Variants in CNTN3 observed in about 807,000 individuals in gnomAD.
CNTN3 encodes contactin-3.
CNTN3 carries 60 observed loss-of-function variants against 119.1 expected under a neutral mutation model. The ratio of observed to expected loss-of-function variants is 0.50; its 90% CI spans 0.41 to 0.62. The LOEUF (loss-of-function observed/expected upper bound fraction) is 0.62. Among genes scored for constraint, CNTN3 ranks in the 20% least tolerant of loss-of-function variants. The pLI, the probability that CNTN3 is intolerant of heterozygous loss-of-function variation, is 0.00. For synonymous variants in CNTN3, 450 were observed against 438.7 expected, an observed-to-expected ratio of 1.03 and a Z score of -0.32; for missense variants, 1,101 against 1,242.4, an observed-to-expected ratio of 0.89 and a Z score of 1.71.
At position 74,299,910 on chromosome 3, in the gene CNTN3, A is replaced by T; in HGVS notation, c.2124T>A (p.Asn708Lys). Residue 708 changes from asparagine (N) to lysine (K), a missense_variant, in exon 17 of 23, where the codon AAT becomes AAA. Asn to Lys is a moderately conservative substitution (Grantham distance 94). Coordinates refer to ENST00000263665, the MANE Select transcript of CNTN3 (RefSeq NM_020872.3). ...AVPEVPPSEV[N>K]GGGGSRSELV... ...GTTCAGACCGGCTTCCGCCTCCTCC[A>T]TTGACTTCAGAAGGAGGCACTTCTG... The T allele has an allele frequency of 6.2e-7, 1 of 1,605,644 alleles. No homozygotes were observed. Among genetic ancestry groups the T allele is most frequent in the Non-Finnish European group, 8.5e-7 (1 of 1,176,320 alleles).
intron 1 of CNTN3, among the ~76,000 whole-genome samples, chr3:74,601,394 T>G (rs566096541): frequency 6.6e-6 from 1 of 152,068 alleles, no homozygotes; most frequent in African/African-American, 2.4e-5. Context: ...CAAATACATA[T>G]CTGAGTTCTT....
intron 1 of CNTN3, among the ~76,000 whole-genome samples, chr3:74,554,330 A>G (rs995360406): frequency 2.0e-5 from 3 of 152,178 alleles, no homozygotes; most frequent in Non-Finnish European, 2.9e-5. Flanking sequence ...GCTTTGTAGT[A>G]AAGTTTGAAG....
At chr3:74,589,085 CA>C (rs1379894880) in intron 1 of CNTN3, among the ~76,000 whole-genome samples, 4 of 150,682 alleles carry the variant, frequency 2.7e-5, no homozygotes, top group Non-Finnish European at 4.5e-5. Context: ...GCAATGGCAA[CA>C]AAAGCCAAAA....
intron 2 of CNTN3, among the ~76,000 whole-genome samples, chr3:74,520,393 G>A (rs577447808): frequency 4.0e-5 from 6 of 150,076 alleles, no homozygotes; most frequent in African/African-American, 1.2e-4. Context: ...ATAAAAAGAG[G>A]GAAAACAAAA....
chr3:74,280,968 G>A (rs2106772752), intron 20 of CNTN3, among the ~76,000 whole-genome samples: 1 of 152,282 alleles, frequency 6.6e-6, no homozygotes, highest in East Asian at 1.9e-4. Context: ...AAGAGATGGG[G>A]GAGTGCATTA....
intron 13 of CNTN3, among the ~76,000 whole-genome samples, chr3:74,306,971 C>A (rs975493136): frequency 6.6e-6 from 1 of 151,988 alleles, no homozygotes; most frequent in Non-Finnish European, 1.5e-5. Flanking sequence ...TAATGTAAAC[C>A]CAAAGTACAT....
intron 1 of CNTN3, among the ~76,000 whole-genome samples, chr3:74,595,412 T>C (rs1434674007): frequency 4.6e-5 from 7 of 152,044 alleles, no homozygotes; most frequent in Non-Finnish European, 8.8e-5. Flanking sequence ...TCTTCTAGGG[T>C]TTTTATGGTT....
At chr3:74,583,891 A>T (rs1262179363) in intron 1 of CNTN3, among the ~76,000 whole-genome samples, 1 of 152,164 alleles carries the variant, frequency 6.6e-6, no homozygotes, top group Non-Finnish European at 1.5e-5. Context: ...CATAGGCTTT[A>T]TATATAGACA....
intron 1 of CNTN3, among the ~76,000 whole-genome samples, chr3:74,548,122 T>C (rs1393732885): frequency 6.6e-6 from 1 of 152,158 alleles, no homozygotes; most frequent in Admixed American, 6.5e-5. Context: ...CTGGATTCTA[T>C]ATTTTAGTCC....
chr3:74,513,530 A>G lies in CNTN3; in HGVS notation c.55+7528T>C, dbSNP rs143760446. ...CCAGATAAAGAAACCAAACAGTCAC[A>G]AAGTTCAGGGAATATGGTTTCATGT... On this transcript the variant is annotated intron_variant, in intron 2 of 22. Transcript: ENST00000263665. 9.2e-5 allele frequency among the ~76,000 whole-genome samples: 14 copies of G among 152,242 alleles called. No individual in the cohort carries two copies. The East Asian group carries it at 2.3e-3, about 25-fold the overall frequency.
At chr3:74,327,907 CTT>C (rs1424970420) in intron 13 of CNTN3, among the ~76,000 whole-genome samples, 3 of 151,392 alleles carry the variant, frequency 2.0e-5, no homozygotes, top group Non-Finnish European at 3.0e-5. Flanking sequence ...TTTTTTATCT[CTT>C]ATATTCTTTT....
At chr3:74,386,452 C>G (rs1704746304) in intron 5 of CNTN3, among the ~76,000 whole-genome samples, 1 of 152,024 alleles carries the variant, frequency 6.6e-6, no homozygotes, top group African/African-American at 2.4e-5. Context: ...AAATTTGTCT[C>G]TACAAAAATT....
intron 2 of CNTN3, among the ~76,000 whole-genome samples, chr3:74,504,544 T>TA (rs1703219032): frequency 1.3e-5 from 2 of 152,136 alleles, no homozygotes; most frequent in Non-Finnish European, 2.9e-5. Flanking sequence ...AAGACCAAAA[T>TA]AAAATTCCAT....
At chr3:74,554,083 T>A (rs1228584069) in intron 1 of CNTN3, among the ~76,000 whole-genome samples, 1 of 152,144 alleles carries the variant, frequency 6.6e-6, no homozygotes, top group Non-Finnish European at 1.5e-5. Context: ...CCATCTTGAG[T>A]TGATTTTTGT....
At chr3:74,362,884 A>G (rs535570335) in intron 10 of CNTN3, among the ~76,000 whole-genome samples, 143 of 152,314 alleles carry the variant, frequency 9.4e-4, no homozygotes, top group African/African-American at 3.2e-3. Context: ...TATACATGTG[A>G]TTGTGGTAAA....
chr3:74,452,835 C>G (rs1487638027), intron 4 of CNTN3, among the ~76,000 whole-genome samples: 2 of 151,798 alleles, frequency 1.3e-5, no homozygotes, highest in African/African-American at 4.8e-5. Flanking sequence ...TTTGCGTATA[C>G]TGAACCAGCC....
chr3:74,441,613 C>G (rs540576815), intron 4 of CNTN3, among the ~76,000 whole-genome samples: 1 of 151,950 alleles, frequency 6.6e-6, no homozygotes, highest in African/African-American at 2.4e-5. Context: ...AAAATGTATA[C>G]AAATTAGAAA....
intron 4 of CNTN3, among the ~76,000 whole-genome samples, chr3:74,463,503 C>T (rs181509161): frequency 2.0e-5 from 3 of 152,204 alleles, no homozygotes; most frequent in East Asian, 3.9e-4. Flanking sequence ...CGACCCCCTT[C>T]GTGAATGCCA....
chr3:74,315,687 C>T (rs1702813819), intron 13 of CNTN3, among the ~76,000 whole-genome samples: 1 of 152,184 alleles, frequency 6.6e-6, no homozygotes, highest in Non-Finnish European at 1.5e-5. Context: ...CTAAATAACA[C>T]ATGGATCAAA....
Sources: allele counts gnomAD v4.1 joint callset (sites outside exome capture counted in the v4.1 genomes callset), GRCh38; gene constraint gnomAD v4.1.1; transcripts MANE v1.5; gene names NCBI Gene and HGNC (gene_info 2026-07-23, HGNC 2026-07-21).